COL4A6: variants seen among roughly 807,000 people sequenced by gnomAD.
The protein encoded by COL4A6 is collagen alpha-6(IV) chain.
In COL4A6, 59 loss-of-function variants were observed where a neutral mutation model predicts 126.7. That is an observed-to-expected ratio of 0.47 (90% CI 0.38 to 0.58). The LOEUF (loss-of-function observed/expected upper bound fraction) is 0.58. COL4A6 is among the 20% of genes least tolerant of loss of function. COL4A6 has a pLI of 0.00. For missense variants in COL4A6, 1,285 were observed against 1,337.3 expected, an observed-to-expected ratio of 0.96 and a Z score of 0.61; for synonymous variants, 547 against 496.6, an observed-to-expected ratio of 1.10 and a Z score of -1.35.
chrX:108,295,074 C>T (rs1603032208), intron 3 of COL4A6, among the ~76,000 whole-genome samples: 1 of 112,396 alleles, frequency 8.9e-6, no homozygotes, highest in Non-Finnish European at 1.9e-5. Context: ...CAACTGTTAT[C>T]TTTAATAGAT....
intron 3 of COL4A6, among the ~76,000 whole-genome samples, chrX:108,297,714 G>A (rs1265914483): frequency 9.0e-6 from 1 of 110,814 alleles, no homozygotes; most frequent in Non-Finnish European, 1.9e-5. Flanking sequence ...CCCTGTTCTG[G>A]GTCCCTGTGG....
At position 108,221,442 on chromosome X, in the gene COL4A6, C is replaced by A. The variant is rs138037775; in HGVS notation, c.145-68G>T. 402 of 1,113,086 alleles carry A rather than the reference C, an allele frequency of 3.6e-4. 9 individuals carry two copies. The East Asian group carries it at 0.012, about 33-fold the overall frequency. The allele number at this position is 1,113,086 out of a possible 1,213,427, so 91.7% of individuals were successfully genotyped here. A position where few individuals can be genotyped will look rare whatever the true frequency, so the allele number is the denominator to read the frequency against. ...AGCATTAATACTTCTCATTTTCCCACGCACAAAGAGCACTGTCATAACTTC... is the reference window on the plus strand; with the variant it reads ...AGCATTAATACTTCTCATTTTCCCAAGCACAAAGAGCACTGTCATAACTTC... On this transcript the variant is annotated intron_variant, in intron 3 of 44. Transcript: ENST00000334504.
At chrX:108,333,222 G>A (rs780373778) in intron 2 of COL4A6, among the ~76,000 whole-genome samples, 1 of 111,133 alleles carries the variant, frequency 9.0e-6, no homozygotes, top group African/African-American at 3.3e-5. Flanking sequence ...GCTACATCAT[G>A]ATCAAGTGGG....
intron 2 of COL4A6, among the ~76,000 whole-genome samples, chrX:108,437,040 TA>T (rs949162384): frequency 1.8e-5 from 2 of 111,619 alleles, no homozygotes; most frequent in Non-Finnish European, 3.8e-5. Flanking sequence ...TAAGAATTTT[TA>T]AAAAAAATAC....
At chrX:108,218,005 C>G (rs180852110) in intron 5 of COL4A6, among the ~76,000 whole-genome samples, 1 of 111,935 alleles carries the variant, frequency 8.9e-6, no homozygotes, top group Non-Finnish European at 1.9e-5. Context: ...AATGAAGCCT[C>G]GAAGAGAAGT....
intron 3 of COL4A6, chrX:108,268,415 G>A (rs940766882): frequency 8.9e-6 from 1 of 112,447 alleles, no homozygotes; most frequent in Non-Finnish European, 1.9e-5. Flanking sequence ...AACCATATGA[G>A]GGAGGATGTA....
chrX:108,280,382 T>G (rs2037773132), intron 3 of COL4A6, among the ~76,000 whole-genome samples: 1 of 111,580 alleles, frequency 9.0e-6, no homozygotes, highest in African/African-American at 3.3e-5. Context: ...GCAAATAAAC[T>G]AGAAAATCTA....
chrX:108,217,241 G>C (rs926011405), intron 5 of COL4A6, among the ~76,000 whole-genome samples: 3 of 112,241 alleles, frequency 2.7e-5, no homozygotes, highest in Admixed American at 1.9e-4. Flanking sequence ...TTAACAATCA[G>C]CTAATATTAA....
intron 3 of COL4A6, chrX:108,268,238 A>C (rs1235450148): frequency 8.9e-6 from 1 of 112,360 alleles, no homozygotes; most frequent in African/African-American, 3.2e-5. Context: ...AAAAAGGAAC[A>C]ATCAATAGAT....
At chrX:108,296,579 T>C (rs907287330) in intron 3 of COL4A6, among the ~76,000 whole-genome samples, 1 of 112,158 alleles carries the variant, frequency 8.9e-6, no homozygotes, top group Non-Finnish European at 1.9e-5. Context: ...CAAAGCTCTA[T>C]ACAAAGGAGA....
intron 3 of COL4A6, among the ~76,000 whole-genome samples, chrX:108,224,825 C>A: frequency 9.0e-6 from 1 of 111,181 alleles, no homozygotes; most frequent in East Asian, 2.8e-4. Context: ...GTGGTGAATT[C>A]CTTTCCTTTC....
chrX:108,436,281 A>G (rs1338185034), intron 2 of COL4A6, among the ~76,000 whole-genome samples: 1 of 112,580 alleles, frequency 8.9e-6, no homozygotes, highest in Non-Finnish European at 1.9e-5. Context: ...ACATAAAACA[A>G]TGAGACAGAG....
At chrX:108,407,422 T>G (rs942395050) in intron 2 of COL4A6, among the ~76,000 whole-genome samples, 5 of 112,579 alleles carry the variant, frequency 4.4e-5, no homozygotes, top group African/African-American at 1.3e-4. Flanking sequence ...AAAAGAAAAT[T>G]TGATTTTAAA....
chrX:108,197,881 C>CA (rs2035270953), intron 13 of COL4A6, among the ~76,000 whole-genome samples: 1 of 107,940 alleles, frequency 9.3e-6, no homozygotes, highest in Non-Finnish European at 1.9e-5. Flanking sequence ...TATAACTGTG[C>CA]ATCAAATAGC....
At chrX:108,354,519 T>G (rs1364226835) in intron 2 of COL4A6, among the ~76,000 whole-genome samples, 1 of 110,509 alleles carries the variant, frequency 9.0e-6, no homozygotes, top group Non-Finnish European at 1.9e-5. Flanking sequence ...TTTCTTTGTA[T>G]ATCACCTCCT....
At chrX:108,284,216 A>G (rs2037938412) in intron 3 of COL4A6, among the ~76,000 whole-genome samples, 1 of 109,456 alleles carries the variant, frequency 9.1e-6, no homozygotes, top group Non-Finnish European at 1.9e-5. Flanking sequence ...TTACTTAAAG[A>G]CAACTGACAC....
intron 30 of COL4A6, among the ~76,000 whole-genome samples, 155 bp downstream of exon 30, chrX:108,174,935 A>G (rs2034431867): frequency 9.0e-6 from 1 of 111,496 alleles, no homozygotes; most frequent in South Asian, 3.8e-4. Context: ...GGCCCAGGGG[A>G]GGCAGCCTTC....
At chrX:108,375,977 T>A (rs1293275844) in intron 2 of COL4A6, among the ~76,000 whole-genome samples, 1 of 111,823 alleles carries the variant, frequency 8.9e-6, no homozygotes, top group Non-Finnish European at 1.9e-5. Context: ...AACAAAGATA[T>A]TATCTGCAAC....
intron 3 of COL4A6, among the ~76,000 whole-genome samples, chrX:108,280,525 C>T (rs2147801261): frequency 9.0e-6 from 1 of 111,677 alleles, no homozygotes; most frequent in South Asian, 3.8e-4. Context: ...CAAAAAGAGT[C>T]CAGGACCAGA....
Sources: allele counts gnomAD v4.1 joint callset (sites outside exome capture counted in the v4.1 genomes callset), GRCh38; gene constraint gnomAD v4.1.1; transcripts MANE v1.5; gene names NCBI Gene and HGNC (gene_info 2026-07-23, HGNC 2026-07-21).